Variants in RAD51B observed in about 807,000 individuals in gnomAD.
RAD51B encodes the protein DNA repair protein RAD51 homolog 2.
Under a neutral mutation model 42.2 loss-of-function variants are expected in RAD51B, and 38 were observed. The ratio of observed to expected loss-of-function variants is 0.90; its 90% CI spans 0.70 to 1.18. RAD51B has a LOEUF of 1.18. Ranked by LOEUF, RAD51B falls within the 50% of genes most tolerant of loss-of-function variation. RAD51B has a pLI of 0.00. For missense variants in RAD51B, 373 were observed against 400.7 expected (o/e 0.93, Z 0.59); for synonymous variants, 154 against 145.2 (o/e 1.06, Z -0.43).
At chr14:68,411,261 C>T (rs1042719885) in intron 8 of RAD51B, among the ~76,000 whole-genome samples, 163 bp from the exon 9 acceptor site, 4 of 152,146 alleles carry the variant, frequency 2.6e-5, no homozygotes, top group African/African-American at 4.8e-5. Context: ...GTCTCATATT[C>T]CTTAACCCCT....
At chr14:67,872,908 G>C (rs907097397) in intron 5 of RAD51B, among the ~76,000 whole-genome samples, 2 of 152,052 alleles carry the variant, frequency 1.3e-5, no homozygotes, top group Non-Finnish European at 1.5e-5. Context: ...GAAACTGGAT[G>C]CCTTCCTTAC....
intron 8 of RAD51B, among the ~76,000 whole-genome samples, chr14:68,298,979 A>G (rs2081666270): frequency 6.6e-6 from 1 of 152,134 alleles, no homozygotes. Flanking sequence ...CTAGCAAGGC[A>G]GTCTAGCCCA....
chr14:68,582,500 A>C (rs565494937), intron 10 of RAD51B, among the ~76,000 whole-genome samples: 2 of 152,334 alleles, frequency 1.3e-5, no homozygotes, highest in Non-Finnish European at 2.9e-5. Context: ...AAAAGTCAGG[A>C]AACAACAGAT....
intron 7 of RAD51B, among the ~76,000 whole-genome samples, chr14:68,036,029 C>G (rs2076115604): frequency 6.6e-6 from 1 of 152,204 alleles, no homozygotes; most frequent in Admixed American, 6.5e-5. Context: ...AAGCTTTTCC[C>G]TGTTATCCGT....
At chr14:68,067,931 C>CAAAAA (rs913150528) in intron 7 of RAD51B, among the ~76,000 whole-genome samples, 8 of 24,698 alleles carry the variant, frequency 3.2e-4, no homozygotes, top group Non-Finnish European at 5.4e-4. Context: ...GACTCCATCT[C>CAAAAA]AAAAAAAAAA....
chr14:68,601,086 C>T (rs568381083), intron 10 of RAD51B, among the ~76,000 whole-genome samples: 17 of 152,092 alleles, frequency 1.1e-4, no homozygotes, highest in Non-Finnish European at 1.9e-4. Context: ...GCTTAAGTTC[C>T]CATGTAGTCC....
chr14:68,513,976 A>C (rs1158846804), intron 10 of RAD51B, among the ~76,000 whole-genome samples: 3 of 152,188 alleles, frequency 2.0e-5, no homozygotes, highest in African/African-American at 7.2e-5. Context: ...AAAGGAAGCA[A>C]TCCACGAGAA....
chr14:68,681,324 A>G (rs1209518593), intron 11 of RAD51B, among the ~76,000 whole-genome samples: 1 of 152,180 alleles, frequency 6.6e-6, no homozygotes, highest in Non-Finnish European at 1.5e-5. Context: ...AGAGGGGTGA[A>G]GTTGAAGTAG....
At chr14:68,153,359 A>G (rs1292141049) in intron 7 of RAD51B, among the ~76,000 whole-genome samples, 1 of 152,148 alleles carries the variant, frequency 6.6e-6, no homozygotes, top group African/African-American at 2.4e-5. Flanking sequence ...TTTCCTTTGT[A>G]CACATTGATT....
intron 7 of RAD51B, among the ~76,000 whole-genome samples, chr14:67,948,931 CAAAAAAAAAAAAAAAAAA>C (rs59465805): frequency 2.3e-4 from 4 of 17,072 alleles, no homozygotes; most frequent in Non-Finnish European, 3.6e-4. Context: ...GACTCTGTCT[CAAAAAAAAAAAAAAAAAA>C]AAAAAAAAAG....
intron 8 of RAD51B, among the ~76,000 whole-genome samples, chr14:68,384,724 T>G (rs3784116): frequency 6.6e-6 from 1 of 152,048 alleles, no homozygotes; most frequent in Non-Finnish European, 1.5e-5. Context: ...TTTTAGCGTT[T>G]CCATACCCAG....
intron 8 of RAD51B, among the ~76,000 whole-genome samples, chr14:68,335,286 G>A (rs1318236636): frequency 8.4e-6 from 1 of 118,376 alleles, no homozygotes; most frequent in African/African-American, 3.2e-5. Flanking sequence ...GACAGAGTGA[G>A]ACCCTGTGTC....
chr14:68,237,402 A>G (rs1259594652), intron 7 of RAD51B, among the ~76,000 whole-genome samples: 2 of 152,346 alleles, frequency 1.3e-5, no homozygotes, highest in East Asian at 3.9e-4. Context: ...CTTAGTTTCA[A>G]AATATTTTTA....
rs534379737 is a variant in RAD51B at position 68,050,310 on chromosome 14, C to A, written c.756+163106C>A. Among the ~76,000 whole-genome samples the A allele has an allele frequency of 2.6e-5, 4 of 152,080 alleles. No homozygotes were observed. The East Asian group carries it at 7.7e-4, about 29-fold the overall frequency. On this transcript the variant is annotated intron_variant, in intron 7 of 10. Coordinates refer to ENST00000471583, the MANE Select transcript of RAD51B (RefSeq NM_133510.4). ...TTTCTACCTCTGTCCTCTTCCCCATCACCCCCTTGATATTAACATCATTGC... is the reference window on the plus strand; with the variant it reads ...TTTCTACCTCTGTCCTCTTCCCCATAACCCCCTTGATATTAACATCATTGC...
chr14:67,934,696 A>G (rs2044870733), intron 7 of RAD51B, among the ~76,000 whole-genome samples: 1 of 152,196 alleles, frequency 6.6e-6, no homozygotes, highest in Admixed American at 6.5e-5. Context: ...TATCAGAGAA[A>G]AGAGTTTCTG....
intron 7 of RAD51B, among the ~76,000 whole-genome samples, chr14:68,131,529 C>T (rs2077891526): frequency 6.6e-6 from 1 of 152,102 alleles, no homozygotes; most frequent in Admixed American, 6.6e-5. Context: ...AACCCTGCCT[C>T]CACTAAAAAT....
At chr14:68,680,284 A>G (rs2145149) in intron 11 of RAD51B, among the ~76,000 whole-genome samples, 65,919 of 151,968 alleles carry the variant, frequency 0.43, 15,151 homozygotes, top group African/African-American at 0.58. Context: ...ATTTCAAGCT[A>G]CCAATGTGAT....
chr14:68,108,824 G>A (rs1049271220), intron 7 of RAD51B, among the ~76,000 whole-genome samples: 11 of 151,678 alleles, frequency 7.3e-5, no homozygotes, highest in African/African-American at 2.7e-4. Flanking sequence ...TATTAATTTG[G>A]CTTCGGTGGT....
chr14:68,610,894 C>T, intron 10 of RAD51B: 4 of 571,690 alleles, frequency 7.0e-6, no homozygotes, highest in Non-Finnish European at 1.3e-5. Context: ...TGTCATCTCC[C>T]TAGTTGTGTA....
Sources: gnomAD v4.1 joint callset for allele counts (sites outside exome capture counted in the v4.1 genomes callset) on GRCh38, gnomAD v4.1.1 for gene constraint, MANE v1.5 for transcripts, NCBI Gene and HGNC (gene_info 2026-07-23, HGNC 2026-07-21) for gene names.